ARFRP1: variants seen among roughly 807,000 people sequenced by gnomAD.
ARFRP1 encodes ARF related protein 1.
A neutral mutation model predicts 30.3 loss-of-function variants in ARFRP1; 19 were observed. That is an observed-to-expected ratio of 0.63 (90% CI 0.44 to 0.92). The LOEUF (loss-of-function observed/expected upper bound fraction) is 0.92. Ranked by LOEUF, ARFRP1 falls within the 40% of genes least tolerant of loss-of-function variation. The pLI, the probability that ARFRP1 is intolerant of heterozygous loss-of-function variation, is 0.00. For missense variants in ARFRP1, 245 were observed against 267.5 expected (o/e 0.92, Z 0.59); for synonymous variants, 133 against 114.2 (o/e 1.16, Z -1.05).
rs2091115147 is a variant in ARFRP1 at position 63,699,989 on chromosome 20, TCACGGGG to T, written c.*447_*453del. 1 of 146,550 alleles carries T rather than the reference TCACGGGG, an allele frequency of 6.8e-6. No individual in the cohort carries two copies. 9.1% of individuals were successfully genotyped at this position (146,550 alleles called of 1,614,324 possible). ...GATCAGCCCCAGACCACTTCCGGGG[TCACGGGG>T]TCACGGGGTCACAGGGCAGAAGCCA... On this transcript the variant is annotated 3_prime_UTR_variant, in exon 8 of 8. Coordinates refer to ENST00000622789, the MANE Select transcript of ARFRP1 (RefSeq NM_001267547.3).
chr20:63,705,438 T>C, intron 4 of ARFRP1: 3 of 339,366 alleles, frequency 8.8e-6, no homozygotes, highest in Non-Finnish European at 1.8e-5. Flanking sequence ...TCTGCCCTGC[T>C]CAGTGCTGGA....
chr20:63,707,786 G>C (rs1053383797), intron 1 of ARFRP1, 81 bp downstream of exon 1: 2 of 152,308 alleles, frequency 1.3e-5, no homozygotes, highest in Non-Finnish European at 2.9e-5. Context: ...GCCAAAGCTG[G>C]CTCCTGTCAC....
chr20:63,707,342 C>T, intron 1 of ARFRP1: 1 of 465,518 alleles, frequency 2.1e-6, no homozygotes, highest in Non-Finnish European at 3.9e-6. Context: ...TCCGGCCCCT[C>T]CCCTGCTCGC....
At chr20:63,705,868 G>A in intron 4 of ARFRP1, 2 of 446,090 alleles carry the variant, frequency 4.5e-6, no homozygotes, top group South Asian at 3.4e-5. Flanking sequence ...CCAAGCCAGG[G>A]TTTGAACATT....
At chr20:63,706,491 C>G in intron 3 of ARFRP1, 52 bp from the exon 4 acceptor site, 2 of 1,577,816 alleles carry the variant, frequency 1.3e-6, no homozygotes, top group Non-Finnish European at 1.7e-6. Flanking sequence ...CTCGACACAC[C>G]CAGTCCCAGC....
At position 63,706,437 on chromosome 20, in the gene ARFRP1, C is replaced by T. The variant is rs201367545; in HGVS notation, c.184G>A (p.Gly62Ser). ...KITTTVGLNI[G>S]TVDVGKARLM... is the part of the protein sequence containing the mutation. ...CGAGCCTTTCCCACATCCACAGTGCCGACTGGGGAGAGGAGGAAACAGGCA... is the reference window on the plus strand; with the variant it reads ...CGAGCCTTTCCCACATCCACAGTGCTGACTGGGGAGAGGAGGAAACAGGCA... The change falls in exon 4 of 8, where the codon GGC becomes AGC. Residue 62 changes from glycine (G) to serine (S), a missense_variant and splice_region_variant. By Grantham distance (56) the Gly-to-Ser change is moderately conservative. Transcript: ENST00000622789. 10 of 1,613,250 alleles carry T rather than the reference C, an allele frequency of 6.2e-6. No homozygotes were observed. The highest frequency in any genetic ancestry group is 8.5e-6 in the Non-Finnish European group (10 of 1,179,924).
At chr20:63,702,398 C>T (rs940724735) in intron 4 of ARFRP1, 181 bp from the exon 5 acceptor site, 4 of 617,078 alleles carry the variant, frequency 6.5e-6, no homozygotes, top group Non-Finnish European at 1.1e-5. Flanking sequence ...TGGAGGTGTC[C>T]CCAGACGCTG....
In ARFRP1 at chr20:63,699,268, C is replaced by G. The variant is rs992044316; in HGVS notation, c.*1175G>C. The G allele has an allele frequency of 6.6e-6, 1 of 152,258 alleles. No individual in the cohort carries two copies. The highest frequency in any genetic ancestry group is 2.4e-5 in the African/African-American group (1 of 41,428). The allele number at this position is 152,258 out of a possible 1,614,324, so 9.4% of individuals were successfully genotyped here. A position where few individuals can be genotyped will look rare whatever the true frequency, so the allele number is the denominator to read the frequency against. ...GGACGCGGGGACTTCCAGGGCCCGA[C>G]TCCTGTGAGTCACAGCCCCGCAGCT... On this transcript the variant is annotated 3_prime_UTR_variant, in exon 8 of 8. Transcript: ENST00000622789.
intron 4 of ARFRP1, chr20:63,706,153 TACC>T: frequency 1.8e-6 from 1 of 544,634 alleles, no homozygotes. Flanking sequence ...GAAACTCCCC[TACC>T]ACCACTTTTG....
Position 63,698,827 on chromosome 20 carries a change from G to A in ARFRP1, c.*1616C>T. ...AGACAGACCCTCCCTGGGAGGATCAGTGGGGAGTGCCACCTCTGCCCCCAG... is the reference window on the plus strand; with the variant it reads ...AGACAGACCCTCCCTGGGAGGATCAATGGGGAGTGCCACCTCTGCCCCCAG... On this transcript the variant is annotated 3_prime_UTR_variant, in exon 8 of 8. Coordinates refer to ENST00000622789, the MANE Select transcript of ARFRP1 (RefSeq NM_001267547.3). 2.8e-6 allele frequency: 1 copy of A among 355,026 alleles called. No homozygotes were observed. The highest frequency in any genetic ancestry group is 5.0e-6 in the Non-Finnish European group (1 of 200,562). The allele number at this position is 355,026 out of a possible 1,614,324, so 22.0% of individuals were successfully genotyped here. A position where few individuals can be genotyped will look rare whatever the true frequency, so the allele number is the denominator to read the frequency against.
At chr20:63,706,197 C>G in intron 4 of ARFRP1, 160 bp downstream of exon 4, 1 of 698,786 alleles carries the variant, frequency 1.4e-6, no homozygotes, top group Non-Finnish European at 2.4e-6. Flanking sequence ...TCAGCTGGGA[C>G]AAAACAGGGA....
chr20:63,701,343 A>G, intron 6 of ARFRP1: 1 of 535,456 alleles, frequency 1.9e-6, no homozygotes, highest in South Asian at 1.4e-5. Context: ...GAGAACAGCT[A>G]GAACTCAGCG....
intron 4 of ARFRP1, 108 bp from the exon 5 acceptor site, chr20:63,702,325 A>G (rs925087770): frequency 2.3e-5 from 25 of 1,077,814 alleles, no homozygotes; most frequent in African/African-American, 7.8e-5. Context: ...GGAAGGGGCA[A>G]GAGGGCAGCC....
intron 4 of ARFRP1, 85 bp downstream of exon 4, chr20:63,706,272 T>G: frequency 1.5e-6 from 2 of 1,290,372 alleles, no homozygotes; most frequent in Non-Finnish European, 2.2e-6. Flanking sequence ...TAAGGAAAAC[T>G]GCTGAGGAAG....
At chr20:63,705,401 G>A (rs879424019) in intron 4 of ARFRP1, 1 of 268,392 alleles carries the variant, frequency 3.7e-6, no homozygotes, top group Admixed American at 4.4e-5. Context: ...GCCAGCCTAG[G>A]GCAGGGAGCC....
rs1321428368 is a variant in ARFRP1 at position 63,700,384 on chromosome 20, C to A, written c.*59G>T. The A allele has an allele frequency of 8.1e-6, 13 of 1,597,476 alleles. No homozygotes were observed. The highest frequency in any genetic ancestry group is 5.0e-5 in the Admixed American group (3 of 59,880). On this transcript the variant is annotated 3_prime_UTR_variant, in exon 8 of 8. Transcript: ENST00000622789. Reference sequence around the variant, plus strand: ...CCCAGATCAGCAGCATGGGAGCCAACAGGAGGCCACTCCTCCAGCACCAGG... The same window carrying A: ...CCCAGATCAGCAGCATGGGAGCCAAAAGGAGGCCACTCCTCCAGCACCAGG...
chr20:63,707,167 G>A, intron 1 of ARFRP1, 70 bp from the exon 2 acceptor site: 1 of 1,382,072 alleles, frequency 7.2e-7, no homozygotes, highest in Non-Finnish European at 1.0e-6. Context: ...CTCCACGGTG[G>A]TCAGTGGCGC....
intron 4 of ARFRP1, chr20:63,704,611 C>T (rs1265506917): frequency 6.6e-6 from 1 of 152,296 alleles, no homozygotes; most frequent in Non-Finnish European, 1.5e-5. Flanking sequence ...GGATGGGCTA[C>T]AGTGGCCCCC....
intron 4 of ARFRP1, chr20:63,705,387 C>T (rs1457877223): frequency 4.0e-6 from 1 of 251,834 alleles, no homozygotes; most frequent in Admixed American, 4.5e-5. Context: ...CCCACACCCA[C>T]TGTGCCAGCC....
Sources: gnomAD v4.1 joint callset for allele counts on GRCh38, gnomAD v4.1.1 for gene constraint, MANE v1.5 for transcripts, NCBI Gene and HGNC (gene_info 2026-07-23, HGNC 2026-07-21) for gene names.